The following FGFR2 variants were observed in gnomAD, a reference collection of about 807,000 sequenced individuals.
The protein encoded by FGFR2 is fibroblast growth factor receptor 2.
FGFR2 carries 19 observed loss-of-function variants against 95.9 expected under a neutral mutation model. The ratio of observed to expected loss-of-function variants is 0.20; its 90% CI spans 0.14 to 0.29. The LOEUF (loss-of-function observed/expected upper bound fraction) is 0.29, where lower values mean the gene tolerates loss of function less well. Among genes scored for constraint, FGFR2 ranks in the 10% least tolerant of loss-of-function variants. The pLI is 1.00. For synonymous variants in FGFR2, 392 were observed against 393.3 expected (o/e 1.00, Z 0.04); for missense variants, 707 against 1,056.9 (o/e 0.67, Z 4.59).
At chr10:121,571,943 C>CA (rs66550550) in intron 2 of FGFR2, among the ~76,000 whole-genome samples, 97 of 105,416 alleles carry the variant, frequency 9.2e-4, no homozygotes, top group Admixed American at 2.4e-3. Flanking sequence ...AACTCCATCT[C>CA]AAAAAAAAAA....
At chr10:121,501,021 T>C in intron 10 of FGFR2, 74 bp from the exon 11 acceptor site, 2 of 1,600,404 alleles carry the variant, frequency 1.2e-6, no homozygotes, top group Non-Finnish European at 1.7e-6. Context: ...CAGAACTAAA[T>C]ATAAAAATCT....
At chr10:121,507,625 A>G (rs1257059239) in intron 9 of FGFR2, among the ~76,000 whole-genome samples, 1 of 152,178 alleles carries the variant, frequency 6.6e-6, no homozygotes, top group East Asian at 1.9e-4. Context: ...GTCCAACTGC[A>G]CAGCATTAAT....
At position 121,487,400 on chromosome 10, in the gene FGFR2, C is replaced by A. The variant is rs1845561008; in HGVS notation, c.2011G>T (p.Ala671Ser). Reference sequence around the variant, plus strand: ...ACTCTATCAAACAGGGCTTCTGGAGCCATCCACTTGACTGGAAGCCGCCCC... The same window carrying A: ...ACTCTATCAAACAGGGCTTCTGGAGACATCCACTTGACTGGAAGCCGCCCC... The part of the protein sequence containing the change: ...TNGRLPVKWM[A>S]PEALFDRVYT... The change falls in exon 15 of 18, where the codon GCT becomes TCT. Residue 671 changes from alanine (A) to serine (S), a missense_variant. Transcript: ENST00000358487. 6.2e-7 allele frequency: 1 copy of A among 1,614,016 alleles called. No homozygotes were observed. Among genetic ancestry groups the A allele is most frequent in the African/African-American group, 1.3e-5 (1 of 74,928 alleles).
chr10:121,577,158 A>AATATATATATATATAT (rs1859958046), intron 2 of FGFR2, among the ~76,000 whole-genome samples: 1 of 13,962 alleles, frequency 7.2e-5, no homozygotes, highest in Non-Finnish European at 1.2e-4. Context: ...AAAAAAAAAA[A>AATATATATATATATAT]ATATATATAT....
At chr10:121,593,105 G>C (rs766710802) in intron 2 of FGFR2, among the ~76,000 whole-genome samples, 1 of 152,160 alleles carries the variant, frequency 6.6e-6, no homozygotes, top group Non-Finnish European at 1.5e-5. Context: ...AGCTGGAGGA[G>C]ATCCCCTGGC....
Position 121,542,120 on chromosome 10 carries a change from TATC to T in FGFR2, c.625-3408_625-3406del, listed in dbSNP as rs930732597. Reference sequence around the variant, plus strand: ...AGTATTATGTTCAGACCTGGTAAGGTATCATTAAACAGTTATTGATAAATGAAA... The same window carrying T: ...AGTATTATGTTCAGACCTGGTAAGGTATTAAACAGTTATTGATAAATGAAA... On this transcript the variant is annotated intron_variant, in intron 5 of 17. Coordinates refer to ENST00000358487, the MANE Select transcript of FGFR2 (RefSeq NM_000141.5). 4.6e-5 allele frequency among the ~76,000 whole-genome samples: 7 copies of T among 152,304 alleles called. 1 individual carries two copies. The highest frequency in any genetic ancestry group is 1.7e-4 in the African/African-American group (7 of 41,570).
At position 121,488,065 on chromosome 10, in the gene FGFR2, T is replaced by C. The variant is rs1490997619; in HGVS notation, c.1912A>G (p.Asn638Asp). The change falls in exon 14 of 18, where the codon AAT becomes GAT. Residue 638 changes from asparagine (N) to aspartate (D), a missense_variant. Physicochemically the swap from Asn to Asp is conservative, Grantham distance 23 (BLOSUM62 1). This residue lies in a region of FGFR2 where 104 missense variants were observed against 214.2 expected (regional missense o/e 0.49). Transcript: ENST00000358487. ...AARNVLVTEN[N>D]VMKIADFGLA... ...CCAAAGTCTGCTATTTTCATCACAT[T>C]GTTTTCTGTTACCAAAACATTTCTG... 6.2e-7 allele frequency: 1 copy of C among 1,614,192 alleles called. No individual in the cohort carries two copies. Among genetic ancestry groups the C allele is most frequent in the Admixed American group, 1.7e-5 (1 of 60,024 alleles).
At chr10:121,542,444 C>T (rs996306386) in intron 5 of FGFR2, among the ~76,000 whole-genome samples, 1 of 152,150 alleles carries the variant, frequency 6.6e-6, no homozygotes, top group Non-Finnish European at 1.5e-5. Context: ...TAGCTACCCC[C>T]TGCAGAACCA....
At chr10:121,509,424 T>G (rs971290592) in intron 9 of FGFR2, among the ~76,000 whole-genome samples, 29 of 76,800 alleles carry the variant, frequency 3.8e-4, no homozygotes, top group South Asian at 6.4e-4. Context: ...AGGAAGTGTT[T>G]TTTTTTTTTC....
rs1010993392 is a variant in FGFR2, at chr10:121,517,544, G to A, written c.940-81C>T. 9.6e-6 allele frequency: 15 copies of A among 1,557,754 alleles called. No individual in the cohort carries two copies. Among genetic ancestry groups the A allele is most frequent in the South Asian group, 3.4e-5 (3 of 88,998 alleles). ...GGGGGCTGTGGAACCACAAGGCGTC[G>A]CACCGGGGGCTTCAGGGGGTGCTGG... On this transcript the variant is annotated intron_variant, in intron 7 of 17. Coordinates refer to ENST00000358487, the MANE Select transcript of FGFR2 (RefSeq NM_000141.5). The surrounding 1 kb of genome is among the most constrained non-coding windows in gnomAD (Gnocchi z 4.7).
At position 121,485,326 on chromosome 10, in the gene FGFR2, A is replaced by C. The variant is rs1845270005; in HGVS notation, c.2195+69T>G. The C allele has an allele frequency of 6.2e-7, 1 of 1,607,174 alleles. No homozygotes were observed. The highest frequency in any genetic ancestry group is 1.1e-5 in the South Asian group (1 of 90,778). On this transcript the variant is annotated intron_variant, in intron 16 of 17. Transcript: ENST00000358487. This position sits in a 1 kb window ranked among gnomAD's most constrained non-coding sequence, Gnocchi z 4.2. ...AACCAGGGGCCTTCAAAAACGAGAT[A>C]CATCAGGAGAGGTATTACTGGTGTG...
intron 2 of FGFR2, among the ~76,000 whole-genome samples, chr10:121,569,562 A>G (rs968079340): frequency 6.6e-6 from 1 of 152,216 alleles, no homozygotes; most frequent in Non-Finnish European, 1.5e-5. Flanking sequence ...GTGATTTTAC[A>G]GGAGTCCCAT....
chr10:121,513,341 G>A (rs185618086), intron 9 of FGFR2, among the ~76,000 whole-genome samples: 6 of 152,294 alleles, frequency 3.9e-5, no homozygotes, highest in Admixed American at 2.0e-4. Flanking sequence ...TTCTCAAACT[G>A]TATTCTTAGA....
intron 6 of FGFR2, among the ~76,000 whole-genome samples, chr10:121,529,204 G>A (rs990031230): frequency 4.6e-5 from 7 of 152,164 alleles, no homozygotes; most frequent in African/African-American, 1.2e-4. Flanking sequence ...CGCCTCCCAC[G>A]TTCAAGTGAT....
intron 10 of FGFR2, among the ~76,000 whole-genome samples, chr10:121,503,178 C>T (rs774668024): frequency 3.9e-5 from 6 of 152,194 alleles, no homozygotes; most frequent in South Asian, 2.1e-4. Flanking sequence ...GGAGTTCAAG[C>T]GAGACCAAGA....
chr10:121,483,590 AAGACCACAG>A, intron 17 of FGFR2, 99 bp downstream of exon 17: 1 of 786,668 alleles, frequency 1.3e-6, no homozygotes, highest in Non-Finnish European at 2.2e-6. Flanking sequence ...AAGAATAAAC[AAGACCACAG>A]ACTCCAACCA....
Position 121,553,718 on chromosome 10 carries a change from C to T in FGFR2, c.455-2259G>A, listed in dbSNP as rs566670981. Among the ~76,000 whole-genome samples the T allele has an allele frequency of 2.6e-5, 4 of 152,306 alleles. No homozygotes were observed. The South Asian group carries it at 8.3e-4, about 32-fold the overall frequency. ...TCAGATAACATCAATTACTGCTGAGCTGATCCTGTGGAATGTCTTTTCTTT... is the reference window on the plus strand; with the variant it reads ...TCAGATAACATCAATTACTGCTGAGTTGATCCTGTGGAATGTCTTTTCTTT... On this transcript the variant is annotated intron_variant, in intron 4 of 17. Coordinates refer to ENST00000358487, the MANE Select transcript of FGFR2 (RefSeq NM_000141.5).
intron 2 of FGFR2, among the ~76,000 whole-genome samples, chr10:121,566,390 C>A (rs996354107): frequency 6.6e-6 from 1 of 152,158 alleles, no homozygotes; most frequent in Admixed American, 6.5e-5. Flanking sequence ...GCAAAATGCC[C>A]AGACAGCTGC....
chr10:121,513,987 G>C (rs749520147), intron 9 of FGFR2, among the ~76,000 whole-genome samples: 1 of 151,960 alleles, frequency 6.6e-6, no homozygotes, highest in South Asian at 2.1e-4. Flanking sequence ...CTGAAGTCCC[G>C]GGAGAGGCAT....
Sources: gnomAD v4.1 joint callset for allele counts (sites outside exome capture counted in the v4.1 genomes callset) on GRCh38, gnomAD v4.1.1 for gene constraint, gnomAD v4.1.1 regional missense constraint, Gnocchi (gnomAD v3.1) non-coding constraint, MANE v1.5 for transcripts, NCBI Gene and HGNC (gene_info 2026-07-23, HGNC 2026-07-21) for gene names.